The following COL14A1 variants were observed in gnomAD, a reference collection of about 807,000 sequenced individuals.
COL14A1 encodes the protein collagen alpha-1(XIV) chain.
Under a neutral mutation model 230.3 loss-of-function variants are expected in COL14A1, and 136 were observed. That is an observed-to-expected ratio of 0.59 (90% CI 0.51 to 0.68). The LOEUF is 0.68. Ranked by LOEUF, COL14A1 falls within the 30% of genes least tolerant of loss-of-function variation. The probability of loss-of-function intolerance (pLI) is 0.00; values close to 1 mark genes in which losing one functional copy is unlikely to be tolerated. For synonymous variants in COL14A1, 792 were observed against 784.1 expected (o/e 1.01, Z -0.17); for missense variants, 1,976 against 2,215.8 (o/e 0.89, Z 2.17).
At chr8:120,197,433 T>G (rs1169484547) in intron 6 of COL14A1, among the ~76,000 whole-genome samples, 1 of 152,088 alleles carries the variant, frequency 6.6e-6, no homozygotes, top group Non-Finnish European at 1.5e-5. Flanking sequence ...ATAATAAATC[T>G]TTATTAAACA....
intron 34 of COL14A1, among the ~76,000 whole-genome samples, chr8:120,290,534 C>G (rs949036633): frequency 6.6e-6 from 1 of 152,206 alleles, no homozygotes; most frequent in South Asian, 2.1e-4. Flanking sequence ...CTAATCTACA[C>G]TTCTCTTATG....
At chr8:120,371,063 T>G in intron 47 of COL14A1, 89 bp from the exon 48 acceptor site, 1 of 1,186,796 alleles carries the variant, frequency 8.4e-7, no homozygotes, top group East Asian at 2.4e-5. Context: ...GCAGGATATC[T>G]CTGTGTCTCT....
chr8:120,369,758 G>A (rs762614557), intron 47 of COL14A1, among the ~76,000 whole-genome samples: 53 of 152,080 alleles, frequency 3.5e-4, no homozygotes, highest in Non-Finnish European at 6.5e-4. Context: ...CATAGACTTG[G>A]CCTCTGACTT....
chr8:120,276,259 A>G, intron 26 of COL14A1, among the ~76,000 whole-genome samples: 1 of 151,336 alleles, frequency 6.6e-6, no homozygotes, highest in Non-Finnish European at 1.5e-5. Flanking sequence ...TAATTCAGGA[A>G]TGGAAAATCA....
At chr8:120,256,115 CTTA>C (rs1819142881) in intron 23 of COL14A1, among the ~76,000 whole-genome samples, 1 of 151,984 alleles carries the variant, frequency 6.6e-6, no homozygotes, top group African/African-American at 2.4e-5. Flanking sequence ...AAAGCTATAT[CTTA>C]TTATTTTATG....
At chr8:120,188,844 T>C (rs1415177811) in intron 5 of COL14A1, among the ~76,000 whole-genome samples, 1 of 152,272 alleles carries the variant, frequency 6.6e-6, no homozygotes, top group Non-Finnish European at 1.5e-5. Context: ...ATATTATAGA[T>C]TTAAACTACA....
intron 24 of COL14A1, among the ~76,000 whole-genome samples, chr8:120,264,093 A>G (rs1322843988): frequency 2.6e-5 from 4 of 152,138 alleles, no homozygotes; most frequent in African/African-American, 9.7e-5. Flanking sequence ...CATCAACCCA[A>G]AGAACATTTC....
chr8:120,356,529 A>G (rs528074573), intron 45 of COL14A1, among the ~76,000 whole-genome samples: 3 of 152,342 alleles, frequency 2.0e-5, no homozygotes, highest in African/African-American at 7.2e-5. Flanking sequence ...CATTGATGAC[A>G]TGGTGGTAAA....
chr8:120,136,287 T>C (rs1814705130), intron 1 of COL14A1, among the ~76,000 whole-genome samples: 1 of 152,118 alleles, frequency 6.6e-6, no homozygotes, highest in African/African-American at 2.4e-5. Flanking sequence ...TTTCTATTTT[T>C]AGTTTGCTGA....
At position 120,231,561 on chromosome 8, in the gene COL14A1, G is replaced by A. The variant is rs61754506; in HGVS notation, c.2292G>A (p.Gln764=). Residue 764 remains glutamine (Q), a synonymous_variant, in exon 19 of 48, where the codon CAG becomes CAA. Coordinates refer to ENST00000297848, the MANE Select transcript of COL14A1 (RefSeq NM_021110.4). ...ACATTTCTGACAGCGATGTGCAGCAGTTTAGGGTGACCTACATGACAGCTC... is the reference window on the plus strand; with the variant it reads ...ACATTTCTGACAGCGATGTGCAGCAATTTAGGGTGACCTACATGACAGCTC... ...KWDISDSDVQ[Q]FRVTYMTAQG... The A allele has an allele frequency of 6.2e-7, 1 of 1,614,082 alleles. No individual in the cohort carries two copies. Among genetic ancestry groups the A allele is most frequent in the South Asian group, 1.1e-5 (1 of 91,074 alleles).
chr8:120,289,823 A>C, intron 34 of COL14A1, 57 bp downstream of exon 34: 1 of 1,539,566 alleles, frequency 6.5e-7, no homozygotes, highest in Middle Eastern at 1.7e-4. Context: ...ATTATTTTAA[A>C]GTACATTAGC....
At chr8:120,135,254 A>T (rs1779629493) in intron 1 of COL14A1, among the ~76,000 whole-genome samples, 1 of 152,012 alleles carries the variant, frequency 6.6e-6, no homozygotes, top group Non-Finnish European at 1.5e-5. Flanking sequence ...ATTTGGCAAT[A>T]TGCATTAATA....
intron 8 of COL14A1, among the ~76,000 whole-genome samples, chr8:120,199,889 G>T (rs1817172195): frequency 1.3e-5 from 2 of 151,936 alleles, no homozygotes; most frequent in African/African-American, 4.8e-5. Context: ...TCTCTTAAGG[G>T]TCATAGCTAT....
At chr8:120,340,109 A>AGT (rs10665249) in intron 42 of COL14A1, among the ~76,000 whole-genome samples, 47,059 of 143,732 alleles carry the variant, frequency 0.33, 8,045 homozygotes, top group African/African-American at 0.45. Context: ...TGAGTGAGTG[A>AGT]GTGTGTGTGT....
intron 13 of COL14A1, 92 bp from the exon 14 acceptor site, chr8:120,216,259 T>C: frequency 9.9e-7 from 1 of 1,014,980 alleles, no homozygotes; most frequent in Non-Finnish European, 1.4e-6. Flanking sequence ...ACACTTTTCA[T>C]ATGTAAATAG....
chr8:120,216,398 A>C lies in COL14A1; in HGVS notation c.1645A>C (p.Asn549His). The change falls in exon 14 of 48, where the codon AAC (asparagine) becomes CAC (histidine). Residue 549 changes from asparagine (N) to histidine (H), a missense_variant. Transcript: ENST00000297848. ...RNLRISNVGS[N>H]SARLTWDPTS... ...CCTGAGAATCTCCAATGTTGGCTCT[A>C]ACAGTGCTCGATTAACCTGGGACCC... 8.1e-6 allele frequency: 13 copies of C among 1,613,950 alleles called. No homozygotes were observed. The highest frequency in any genetic ancestry group is 1.1e-5 in the Non-Finnish European group (13 of 1,179,892).
At chr8:120,217,388 C>T (rs890856792) in intron 14 of COL14A1, among the ~76,000 whole-genome samples, 2 of 152,130 alleles carry the variant, frequency 1.3e-5, no homozygotes, top group African/African-American at 4.8e-5. Context: ...TTTAGCAAAA[C>T]AGCGAGGTTA....
In COL14A1 at chr8:120,335,623, G is replaced by A. The variant is rs551852456; in HGVS notation, c.4785+2888G>A. ...CTGTCTAGGAAGGCATGAGGGAAAG[G>A]GACCAAGAGGGACAGGCTGCACCGC... On this transcript the variant is annotated intron_variant, in intron 42 of 47. Transcript: ENST00000297848. 7.2e-4 allele frequency among the ~76,000 whole-genome samples: 109 copies of A among 152,294 alleles called. 1 individual carries two copies. The highest frequency in any genetic ancestry group is 2.5e-3 in the African/African-American group (103 of 41,566).
intron 4 of COL14A1, among the ~76,000 whole-genome samples, chr8:120,163,993 T>C (rs894046660): frequency 6.6e-6 from 1 of 152,156 alleles, no homozygotes; most frequent in Non-Finnish European, 1.5e-5. Context: ...CTGAAAGCAG[T>C]GTTTCAAATG....
Sources: gnomAD v4.1 joint callset for allele counts (sites outside exome capture counted in the v4.1 genomes callset) on GRCh38, gnomAD v4.1.1 for gene constraint, MANE v1.5 for transcripts, NCBI Gene and HGNC (gene_info 2026-07-23, HGNC 2026-07-21) for gene names.